Variants in PHF2 observed in about 807,000 individuals in gnomAD.
PHF2 encodes lysine-specific demethylase PHF2.
PHF2 carries 27 observed loss-of-function variants against 120.5 expected under a neutral mutation model. That is an observed-to-expected ratio of 0.22 (90% CI 0.17 to 0.31). PHF2 has a LOEUF of 0.31. Among genes scored for constraint, PHF2 ranks in the 10% least tolerant of loss-of-function variants. The probability of loss-of-function intolerance (pLI) is 1.00; values close to 1 mark genes in which losing one functional copy is unlikely to be tolerated. For missense variants in PHF2, 1,024 were observed against 1,434.8 expected, an observed-to-expected ratio of 0.71 and a Z score of 4.63; for synonymous variants, 568 against 592.5, an observed-to-expected ratio of 0.96 and a Z score of 0.60.
In PHF2 at chr9:93,636,299, G is replaced by A. The variant is rs571486403; in HGVS notation, c.185-112G>A. The A allele has an allele frequency of 6.9e-5, 52 of 754,474 alleles. No individual in the cohort carries two copies. In the East Asian group the frequency reaches 1.2e-3, roughly 17 times the overall value. 46.7% of individuals were successfully genotyped at this position (754,474 alleles called of 1,614,324 possible). On this transcript the variant is annotated intron_variant, in intron 2 of 21. Coordinates refer to ENST00000359246, the MANE Select transcript of PHF2 (RefSeq NM_005392.4). ...GTCTTGAGAGGTGAGCATGAGCCCA[G>A]CAATGCTGGGAGTTGTTAGTAGGCT...
At chr9:93,639,660 A>G (rs991042897) in intron 3 of PHF2, among the ~76,000 whole-genome samples, 1 of 152,176 alleles carries the variant, frequency 6.6e-6, no homozygotes, top group Non-Finnish European at 1.5e-5. Context: ...CAGCACTATC[A>G]GCATGCCACA....
chr9:93,657,643 C>T (rs1416947217), intron 9 of PHF2, among the ~76,000 whole-genome samples: 2 of 152,134 alleles, frequency 1.3e-5, no homozygotes, highest in African/African-American at 4.8e-5. Flanking sequence ...TGCGTCAGAG[C>T]CCTGGAGCCC....
chr9:93,629,350 C>G (rs1265764058), intron 1 of PHF2, among the ~76,000 whole-genome samples: 1 of 152,194 alleles, frequency 6.6e-6, no homozygotes, highest in African/African-American at 2.4e-5. Context: ...GGCCTGTAGC[C>G]CGACCATCTG....
chr9:93,611,227 C>T (rs1485973241), intron 1 of PHF2, among the ~76,000 whole-genome samples: 4 of 152,046 alleles, frequency 2.6e-5, no homozygotes, highest in Non-Finnish European at 5.9e-5. Context: ...ACCAGCCTGA[C>T]CGACATGGTG....
chr9:93,635,280 T>C (rs1826071739), intron 2 of PHF2, among the ~76,000 whole-genome samples: 3 of 150,850 alleles, frequency 2.0e-5, no homozygotes, highest in Admixed American at 2.0e-4. Context: ...GCATTGTCAC[T>C]GGGTGGTCAT....
At chr9:93,619,013 T>C (rs1413961197) in intron 1 of PHF2, among the ~76,000 whole-genome samples, 1 of 131,102 alleles carries the variant, frequency 7.6e-6, no homozygotes, top group East Asian at 2.3e-4. Flanking sequence ...TTCCAGCTGC[T>C]CACAGGCAGC....
intron 12 of PHF2, 150 bp downstream of exon 12, chr9:93,660,710 GC>G (rs1199566472): frequency 8.4e-6 from 6 of 710,806 alleles, no homozygotes; most frequent in Non-Finnish European, 1.3e-5. Flanking sequence ...CTTGCTGTGG[GC>G]TTGTATGCCC....
intron 12 of PHF2, among the ~76,000 whole-genome samples, chr9:93,662,550 GGATGGATGGA>G (rs1365876733): frequency 5.3e-5 from 8 of 150,422 alleles, no homozygotes; most frequent in Non-Finnish European, 1.5e-5. Context: ...ATGGATGGAT[GGATGGATGGA>G]TGGATGGATG....
chr9:93,645,316 A>G (rs1826237473), intron 3 of PHF2, among the ~76,000 whole-genome samples: 1 of 152,122 alleles, frequency 6.6e-6, no homozygotes, highest in Admixed American at 6.5e-5. Context: ...GACCTTGCTC[A>G]GGCCCAGGCG....
rs1364210626 is a variant in PHF2 at position 93,645,889 on chromosome 9, T to C, written c.460+100T>C. 5 of 1,347,272 alleles carry C rather than the reference T, an allele frequency of 3.7e-6. No individual in the cohort carries two copies. In the African/African-American group the frequency reaches 7.3e-5, roughly 20 times the overall value. 83.5% of individuals were successfully genotyped at this position (1,347,272 alleles called of 1,614,324 possible). A position where few individuals can be genotyped will look rare whatever the true frequency, so the allele number is the denominator to read the frequency against. The stretch of plus-strand genomic sequence containing the variant: ...TTTCCCCACGCCCTGGCTGTGTCCA[T>C]GTGTGCCGTGAGCAGTGGAGCCTCA... On this transcript the variant is annotated intron_variant, in intron 4 of 21. Coordinates refer to ENST00000359246, the MANE Select transcript of PHF2 (RefSeq NM_005392.4).
chr9:93,596,967 G>C (rs1377922789), intron 1 of PHF2, among the ~76,000 whole-genome samples: 3 of 120,896 alleles, frequency 2.5e-5, no homozygotes, highest in African/African-American at 9.7e-5. Context: ...GAGTCTCGCT[G>C]TCTCCCAGGC....
At chr9:93,661,388 T>TA (rs1302351084) in intron 12 of PHF2, among the ~76,000 whole-genome samples, 2 of 152,206 alleles carry the variant, frequency 1.3e-5, no homozygotes, top group Non-Finnish European at 2.9e-5. Context: ...AATGGATGGC[T>TA]AAATGGCTGG....
chr9:93,675,241 G>C (rs74921118), intron 19 of PHF2, among the ~76,000 whole-genome samples: 9,417 of 152,278 alleles, frequency 0.062, 406 homozygotes, highest in Non-Finnish European at 0.09. Flanking sequence ...GCCCAGATGT[G>C]CTTCTACACA....
intron 1 of PHF2, among the ~76,000 whole-genome samples, chr9:93,627,453 T>C: frequency 6.6e-6 from 1 of 150,760 alleles, no homozygotes; most frequent in East Asian, 1.9e-4. Context: ...AAGGTAATTT[T>C]ATATCTTCCT....
rs745764656 is a variant in PHF2 at position 93,662,894 on chromosome 9, C to T, written c.1699-13C>T. Reference sequence around the variant, plus strand: ...TATGTCTGCCTCTGGGTCACAGCAGCCCTTTTTTCTAGGCCACAAAGAGTG... The same window carrying T: ...TATGTCTGCCTCTGGGTCACAGCAGTCCTTTTTTCTAGGCCACAAAGAGTG... On this transcript the variant is annotated splice_polypyrimidine_tract_variant and intron_variant, in intron 12 of 21. Coordinates refer to ENST00000359246, the MANE Select transcript of PHF2 (RefSeq NM_005392.4). 6.2e-7 allele frequency: 1 copy of T among 1,613,784 alleles called. No homozygotes were observed. The highest frequency in any genetic ancestry group is 8.5e-7 in the Non-Finnish European group (1 of 1,179,790).
rs754567746 is a variant in PHF2 at position 93,660,255 on chromosome 9, G to A, written c.1393G>A (p.Gly465Arg). The A allele has an allele frequency of 9.3e-6, 15 of 1,607,614 alleles. No individual in the cohort carries two copies. The highest frequency in any genetic ancestry group is 1.7e-4 in the Middle Eastern group (1 of 6,018). ...CGCCTCGTCAGATGAGGTGTGTGAC[G>A]GGGACCGGGAGAAGGAGGAGCCCCC... ...TVASSDEVCD[G>R]DREKEEPPSP... Residue 465 changes from glycine to arginine, a missense_variant, in exon 12 of 22, where the codon GGG (glycine) becomes AGG (arginine). Physicochemically the swap from Gly to Arg is moderately radical, Grantham distance 125. Transcript: ENST00000359246.
Position 93,595,941 on chromosome 9 carries a change from G to A in PHF2, c.98+19070G>A, listed in dbSNP as rs117026374. Among the ~76,000 whole-genome samples the A allele has an allele frequency of 3.6e-3, 555 of 152,294 alleles. 3 individuals are homozygous for A. The highest frequency in any genetic ancestry group is 5.2e-3 in the Non-Finnish European group (351 of 68,020). On this transcript the variant is annotated intron_variant, in intron 1 of 21. Transcript: ENST00000359246. The stretch of plus-strand genomic sequence containing the variant: ...CACTGGTGATACTGTACTCTTTCAG[G>A]TTTGATAACTAGTCTTTGAATTCTT...
At chr9:93,674,104 G>A (rs929160988) in intron 18 of PHF2, among the ~76,000 whole-genome samples, 42 of 152,272 alleles carry the variant, frequency 2.8e-4, no homozygotes, top group African/African-American at 9.4e-4. Flanking sequence ...CAAACAGAAT[G>A]ACAGCAAAGT....
At chr9:93,659,703 C>A in intron 11 of PHF2, 103 bp downstream of exon 11, 1 of 1,067,102 alleles carries the variant, frequency 9.4e-7, no homozygotes, top group Non-Finnish European at 1.4e-6. Flanking sequence ...GCTGCCAGGT[C>A]TGGGAAGGCC....
Sources: allele counts gnomAD v4.1 joint callset (sites outside exome capture counted in the v4.1 genomes callset), GRCh38; gene constraint gnomAD v4.1.1; transcripts MANE v1.5; gene names NCBI Gene and HGNC (gene_info 2026-07-23, HGNC 2026-07-21).